The following EPHA6 variants were observed in gnomAD, a reference collection of about 807,000 sequenced individuals.
EPHA6 encodes ephrin type-A receptor 6.
A neutral mutation model predicts 112.0 loss-of-function variants in EPHA6; 50 were observed. That is an observed-to-expected ratio of 0.45 (90% confidence interval 0.36 to 0.56). The LOEUF (loss-of-function observed/expected upper bound fraction) is 0.56, where lower values mean the gene tolerates loss of function less well. EPHA6 is among the 20% of genes least tolerant of loss of function. The pLI is 0.00. For missense variants in EPHA6, 1,280 were observed against 1,417.4 expected (o/e 0.90, Z 1.56); for synonymous variants, 529 against 490.7 (o/e 1.08, Z -1.03).
intron 14 of EPHA6, among the ~76,000 whole-genome samples, chr3:97,680,710 A>C (rs2107681099): frequency 6.6e-6 from 1 of 152,294 alleles, no homozygotes; most frequent in African/African-American, 2.4e-5. Flanking sequence ...CCAGTGTCAA[A>C]CCCAGCTTGT....
chr3:97,012,457 G>A (rs1026539505), intron 3 of EPHA6, among the ~76,000 whole-genome samples: 3 of 150,318 alleles, frequency 2.0e-5, no homozygotes, highest in Non-Finnish European at 4.4e-5. Flanking sequence ...CATGGTAGCT[G>A]GAACTACAAG....
At chr3:97,419,020 C>T (rs769388585) in intron 6 of EPHA6, among the ~76,000 whole-genome samples, 1 of 152,108 alleles carries the variant, frequency 6.6e-6, no homozygotes, top group African/African-American at 2.4e-5. Flanking sequence ...AAGAATTTAA[C>T]AGGGCCAGGC....
chr3:97,573,912 A>T (rs1479881584), intron 11 of EPHA6, among the ~76,000 whole-genome samples: 1 of 151,630 alleles, frequency 6.6e-6, no homozygotes, highest in Non-Finnish European at 1.5e-5. Flanking sequence ...AGATAGGCAC[A>T]GAACTTAGTC....
chr3:97,742,867 T>C (rs1306743509), intron 16 of EPHA6, among the ~76,000 whole-genome samples: 1 of 152,174 alleles, frequency 6.6e-6, no homozygotes, highest in East Asian at 1.9e-4. Context: ...GGTATGTACA[T>C]AGTGTATGCA....
At chr3:97,583,431 C>T (rs1004784443) in intron 11 of EPHA6, among the ~76,000 whole-genome samples, 3 of 151,664 alleles carry the variant, frequency 2.0e-5, no homozygotes, top group Non-Finnish European at 4.4e-5. Flanking sequence ...CCCAGCTACT[C>T]TGGAGGCTGA....
At chr3:96,842,876 G>A (rs932790079) in intron 1 of EPHA6, among the ~76,000 whole-genome samples, 12 of 151,960 alleles carry the variant, frequency 7.9e-5, no homozygotes, top group Non-Finnish European at 1.8e-4. Flanking sequence ...GCATGTGATG[G>A]CTGTTTACTC....
chr3:97,488,498 C>T (rs1421850718), intron 10 of EPHA6, among the ~76,000 whole-genome samples: 3 of 152,166 alleles, frequency 2.0e-5, no homozygotes, highest in African/African-American at 7.2e-5. Flanking sequence ...CCCCTGCCAC[C>T]CTCAACCCAG....
chr3:97,388,660 G>A (rs964669215), intron 5 of EPHA6, among the ~76,000 whole-genome samples: 9 of 151,996 alleles, frequency 5.9e-5, no homozygotes, highest in African/African-American at 1.5e-4. Flanking sequence ...AATCTTCCTC[G>A]GCTACTAAAC....
chr3:97,339,094 G>T lies in EPHA6; in HGVS notation c.1607-66056G>T, dbSNP rs368168837. On this transcript the variant is annotated intron_variant, in intron 5 of 17. Coordinates refer to ENST00000389672, the MANE Select transcript of EPHA6 (RefSeq NM_001080448.3). ...CTCTCACCATCTTCAGTGATTTATT[G>T]ATCTTTGATTGTCCTGACTTAGGTA... 3.9e-5 allele frequency among the ~76,000 whole-genome samples: 6 copies of T among 152,250 alleles called. No homozygotes were observed. The South Asian group carries it at 1.2e-3, about 32-fold the overall frequency.
chr3:97,367,781 A>G lies in EPHA6; in HGVS notation c.1607-37369A>G, dbSNP rs146073728. On this transcript the variant is annotated intron_variant, in intron 5 of 17. Coordinates refer to ENST00000389672, the MANE Select transcript of EPHA6 (RefSeq NM_001080448.3). ...GAGTTTCAGGTTATATTACCAGGTTAATACAACTAGCCAGAATATCTATAT... is the reference window on the plus strand; with the variant it reads ...GAGTTTCAGGTTATATTACCAGGTTGATACAACTAGCCAGAATATCTATAT... Among the ~76,000 whole-genome samples the G allele has an allele frequency of 6.2e-4, 94 of 152,262 alleles. 1 individual carries two copies. Among genetic ancestry groups the G allele is most frequent in the African/African-American group, 2.2e-3 (92 of 41,562 alleles).
At chr3:97,426,705 T>C (rs2089151690) in intron 6 of EPHA6, among the ~76,000 whole-genome samples, 3 of 152,136 alleles carry the variant, frequency 2.0e-5, no homozygotes, top group African/African-American at 2.4e-5. Context: ...GGAACATGAT[T>C]AAACTAAAGA....
At chr3:97,465,209 A>T (rs146837997) in intron 7 of EPHA6, among the ~76,000 whole-genome samples, 1 of 152,220 alleles carries the variant, frequency 6.6e-6, no homozygotes, top group Non-Finnish European at 1.5e-5. Flanking sequence ...TGTAGATCCT[A>T]ATATTAAGCT....
intron 1 of EPHA6, among the ~76,000 whole-genome samples, chr3:96,822,357 C>G (rs1243720063): frequency 6.6e-6 from 1 of 151,744 alleles, no homozygotes; most frequent in South Asian, 2.1e-4. Flanking sequence ...TTTAACTGAG[C>G]TTTGTGAGAA....
At chr3:97,430,524 GC>G (rs2089441884) in intron 6 of EPHA6, among the ~76,000 whole-genome samples, 3 of 151,922 alleles carry the variant, frequency 2.0e-5, no homozygotes, top group African/African-American at 7.3e-5. Context: ...ATTGGAATAA[GC>G]CTCAAATCCT....
chr3:97,656,819 A>G (rs1243937771), intron 14 of EPHA6, among the ~76,000 whole-genome samples: 1 of 151,962 alleles, frequency 6.6e-6, no homozygotes, highest in African/African-American at 2.4e-5. Flanking sequence ...ATATTTTCAT[A>G]TATTCATATC....
intron 3 of EPHA6, among the ~76,000 whole-genome samples, chr3:97,187,670 AGAAAGAGAAAGAAAGAAG>A (rs1477812624): frequency 6.5e-5 from 7 of 107,048 alleles, no homozygotes; most frequent in African/African-American, 7.1e-5. Flanking sequence ...AAGGAAAGAA[AGAAAGAGAAAGAAAGAAG>A]GAAAGAAAGA....
chr3:96,945,712 A>G (rs1180766805), intron 2 of EPHA6, among the ~76,000 whole-genome samples: 1 of 152,134 alleles, frequency 6.6e-6, no homozygotes, highest in Non-Finnish European at 1.5e-5. Context: ...AAAAATATAT[A>G]TATATCTGTG....
chr3:97,402,017 G>C (rs1289089301), intron 5 of EPHA6, among the ~76,000 whole-genome samples: 1 of 151,960 alleles, frequency 6.6e-6, no homozygotes, highest in Admixed American at 6.6e-5. Flanking sequence ...GATCGGAAAA[G>C]ACACTTAATA....
chr3:97,318,415 C>T (rs1474305254), intron 5 of EPHA6, among the ~76,000 whole-genome samples: 2 of 151,994 alleles, frequency 1.3e-5, no homozygotes, highest in African/African-American at 2.4e-5. Flanking sequence ...GCCCACCTAT[C>T]GAACTCTGTG....
Sources: allele counts gnomAD v4.1 joint callset (sites outside exome capture counted in the v4.1 genomes callset), GRCh38; gene constraint gnomAD v4.1.1; transcripts MANE v1.5; gene names NCBI Gene and HGNC (gene_info 2026-07-23, HGNC 2026-07-21).